TDRKH: variants seen among roughly 807,000 people sequenced by gnomAD.
TDRKH encodes tudor and KH domain-containing protein.
Under a neutral mutation model 61.3 loss-of-function variants are expected in TDRKH, and 28 were observed. The observed-to-expected ratio is 0.46, with a 90% CI of 0.34 to 0.63. TDRKH has a LOEUF of 0.63. TDRKH is among the 20% of genes least tolerant of loss of function. TDRKH has a pLI of 0.01. For synonymous variants in TDRKH, 219 were observed against 244.4 expected (o/e 0.90, Z 0.97); for missense variants, 540 against 683.4 (o/e 0.79, Z 2.34).
downstream of TDRKH, chr1:151,772,047 A>T (rs1182635151): frequency 5.0e-6 from 2 of 398,470 alleles, no homozygotes; most frequent in Non-Finnish European, 4.4e-6. Flanking sequence ...TGAACTACTC[A>T]CCAGAACTGT....
In TDRKH at chr1:151,775,526, C is replaced by T. The variant is rs1483005970; in HGVS notation, c.1300G>A (p.Glu434Lys). The change falls in exon 10 of 13, where the codon GAA becomes AAA. Residue 434 changes from glutamate to lysine, a missense_variant. By Grantham distance (56) the Glu-to-Lys change is moderately conservative (BLOSUM62 1). This residue lies in a region of TDRKH where 379 missense variants were observed against 443.8 expected (regional missense o/e 0.85). Coordinates refer to ENST00000368824, the MANE Select transcript of TDRKH (RefSeq NM_001083965.2). The part of the protein sequence containing the change: ...IAPSGDQWEE[E>K]ALDEFDRLTH... The stretch of plus-strand genomic sequence containing the variant: ...AGTCTATCAAACTCATCCAAAGCTT[C>T]CTCTTCCCACTGGTCACCTGGCAAA... The T allele has an allele frequency of 6.2e-7, 1 of 1,613,386 alleles. No individual in the cohort carries two copies. The highest frequency in any genetic ancestry group is 1.1e-5 in the South Asian group (1 of 90,910).
intron 3 of TDRKH, among the ~76,000 whole-genome samples, chr1:151,780,447 T>C (rs2101601042): frequency 6.6e-6 from 1 of 152,350 alleles, no homozygotes; most frequent in East Asian, 1.9e-4. Flanking sequence ...GAGAATCAAA[T>C]ATTTTGTTTT....
downstream of TDRKH, chr1:151,766,901 A>C: frequency 6.3e-7 from 1 of 1,587,470 alleles, no homozygotes; most frequent in Non-Finnish European, 8.6e-7. Flanking sequence ...ACTTGTTTTC[A>C]TCTCTATTTG....
intron 1 of TDRKH, among the ~76,000 whole-genome samples, chr1:151,785,654 C>T (rs1471245900): frequency 6.6e-6 from 1 of 152,138 alleles, no homozygotes; most frequent in Non-Finnish European, 1.5e-5. Flanking sequence ...TAATCTCTAA[C>T]CCAGAGTCTG....
intron 5 of TDRKH, 30 bp from the exon 6 acceptor site, chr1:151,779,036 C>T (rs1163879181): frequency 6.2e-7 from 1 of 1,612,184 alleles, no homozygotes; most frequent in Non-Finnish European, 8.5e-7. Context: ...GGATGATATT[C>T]TGACCTGGGA....
chr1:151,780,295 C>A (rs1649627387), intron 3 of TDRKH, among the ~76,000 whole-genome samples, 155 bp from the exon 4 acceptor site: 1 of 58,744 alleles, frequency 1.7e-5, no homozygotes. Context: ...ACTTTATATA[C>A]AACCTCAGTT....
chr1:151,775,571 T>G, intron 9 of TDRKH, 28 bp from the exon 10 acceptor site: 1 of 1,606,116 alleles, frequency 6.2e-7, no homozygotes, highest in South Asian at 1.1e-5. Context: ...GGGTTACTGC[T>G]GATAGGGGTG....
chr1:151,768,165 C>T (rs1301966571), downstream of TDRKH: 2 of 1,614,038 alleles, frequency 1.2e-6, no homozygotes, highest in South Asian at 2.2e-5. Flanking sequence ...ATTGGCACGG[C>T]CTTCTCTGTG....
intron 6 of TDRKH, among the ~76,000 whole-genome samples, chr1:151,777,530 A>C (rs1649304830): frequency 6.6e-6 from 1 of 151,950 alleles, no homozygotes; most frequent in African/African-American, 2.4e-5. Flanking sequence ...TGTCAGCATT[A>C]TTTTGCCATT....
chr1:151,770,220 T>C (rs1334423845), downstream of TDRKH: 2 of 1,613,868 alleles, frequency 1.2e-6, no homozygotes, highest in African/African-American at 1.3e-5. Context: ...ATGTGGACTC[T>C]GTGTTTGTGA....
downstream of TDRKH, chr1:151,771,263 A>G (rs766262175): frequency 4.5e-5 from 72 of 1,598,958 alleles, no homozygotes; most frequent in South Asian, 7.9e-4. Context: ...GCCTTGACAC[A>G]TGGAATCAGG....
intron 7 of TDRKH, 69 bp from the exon 8 acceptor site, chr1:151,776,337 G>A (rs1410007208): frequency 1.9e-6 from 3 of 1,593,938 alleles, no homozygotes; most frequent in Admixed American, 1.7e-5. Context: ...AATTGCAGGA[G>A]GAAGAAAGAA....
intron 2 of TDRKH, among the ~76,000 whole-genome samples, chr1:151,782,438 C>T (rs1203818369): frequency 1.4e-5 from 2 of 147,694 alleles, no homozygotes; most frequent in Non-Finnish European, 3.0e-5. Context: ...CAGAGTGAGA[C>T]TCTGTCTCAA....
In TDRKH at chr1:151,782,961, A is replaced by C; in HGVS notation, c.62T>G (p.Leu21Arg). 6.2e-7 allele frequency: 1 copy of C among 1,613,752 alleles called. No homozygotes were observed. ...LSTIQKIALG[L>R]GIPASATVAY... ...AACTGTTGCACTGGCTGGGATCCCA[A>C]GGCCCAGGGCTATTTTCTGAATGGT... is the stretch of plus-strand genomic sequence containing the variant. Residue 21 changes from leucine to arginine, a missense_variant, in exon 2 of 13, where the codon CTT becomes CGT. By Grantham distance (102) the Leu-to-Arg change is moderately radical (BLOSUM62 -2). Around this residue, in one of 3 missense-constraint regions of TDRKH, gnomAD observed 156 missense variants for 218.0 expected, o/e 0.72. Transcript: ENST00000368824.
intron 1 of TDRKH, among the ~76,000 whole-genome samples, chr1:151,784,349 G>A (rs1340578522): frequency 2.0e-5 from 3 of 152,166 alleles, no homozygotes; most frequent in Non-Finnish European, 4.4e-5. Flanking sequence ...ACCCTTCCTG[G>A]ATTTCACTTC....
At chr1:151,776,365 G>A (rs1472347272) in intron 7 of TDRKH, 74 bp downstream of exon 7, 3 of 1,598,008 alleles carry the variant, frequency 1.9e-6, no homozygotes, top group East Asian at 2.2e-5. Flanking sequence ...TGCTCCACAG[G>A]GAAAGGAAGA....
At chr1:151,769,588 C>A, downstream of TDRKH, 1 of 211,028 alleles carries the variant, frequency 4.7e-6, no homozygotes, top group Non-Finnish European at 9.5e-6. Context: ...ACTTCCTAGA[C>A]GGGATGACGG....
chr1:151,780,006 A>G lies in TDRKH; in HGVS notation c.366T>C (p.Asn122=), dbSNP rs1649595447. ...CTGAAAGCTGCTCAGACACTGGGGT[A>G]TTCTCTGTCAGGATCTGATGGATTG... The part of the protein sequence containing the change: ...KAAIHQILTE[N]TPVSEQLSVP... Residue 122 remains asparagine (N), a synonymous_variant, in exon 4 of 13, where the codon AAT becomes AAC. Transcript: ENST00000368824. 1 of 1,614,084 alleles carries G rather than the reference A, an allele frequency of 6.2e-7. No homozygotes were observed. The highest frequency in any genetic ancestry group is 1.3e-5 in the African/African-American group (1 of 74,948).
chr1:151,778,412 G>A (rs1429522234), intron 6 of TDRKH, among the ~76,000 whole-genome samples: 1 of 152,172 alleles, frequency 6.6e-6, no homozygotes, highest in Non-Finnish European at 1.5e-5. Context: ...AGTGGAAGAG[G>A]CACCAAGTTC....
Sources: gnomAD v4.1 joint callset for allele counts (sites outside exome capture counted in the v4.1 genomes callset) on GRCh38, gnomAD v4.1.1 for gene constraint, gnomAD v4.1.1 regional missense constraint, MANE v1.5 for transcripts, NCBI Gene and HGNC (gene_info 2026-07-23, HGNC 2026-07-21) for gene names.